Variants in NBPF12 observed in about 807,000 individuals in gnomAD.
The protein encoded by NBPF12 is NBPF member 12, also known as NBPF family member NBPF12.
In NBPF12, 115 loss-of-function variants were observed where a neutral mutation model predicts 146.4. The observed-to-expected ratio is 0.79, with a 90% CI of 0.68 to 0.92. The LOEUF is 0.92. Ranked by LOEUF, NBPF12 falls within the 40% of genes least tolerant of loss-of-function variation. The pLI is 0.00. For synonymous variants in NBPF12, 385 were observed against 508.9 expected (o/e 0.76, Z 3.28); for missense variants, 1,205 against 1,326.8 (o/e 0.91, Z 1.43).
intron 1 of NBPF12, among the ~76,000 whole-genome samples, chr1:146,942,163 T>C (rs2101806021): frequency 6.6e-6 from 1 of 151,680 alleles, no homozygotes; most frequent in South Asian, 2.1e-4. Context: ...AGCTAATTTT[T>C]TATTTTTTGT....
At chr1:146,968,287 AAGTC>A (rs1173928785) in intron 9 of NBPF12, among the ~76,000 whole-genome samples, 157 bp from the exon 13 acceptor site, 31,343 of 149,136 alleles carry the variant, frequency 0.21, 349 homozygotes, top group South Asian at 0.35. Flanking sequence ...AGATGCCAGA[AAGTC>A]AGGAGACTGA....
chr1:146,946,762 A>T (rs1655093949), upstream of NBPF12, among the ~76,000 whole-genome samples: 1 of 150,054 alleles, frequency 6.7e-6, no homozygotes, highest in Non-Finnish European at 1.5e-5. Flanking sequence ...CCATCATTGA[A>T]CCCAGGATCC....
In NBPF12 at chr1:146,963,126, C is replaced by T. The variant is rs1215793956; in HGVS notation, c.310C>T (p.Arg104Ter). Residue 104 changes from arginine to a stop codon, truncating the protein, a stop_gained, in exon 6 of 34, where the codon CGA becomes TGA. Transcript: ENST00000617844. LOFTEE classifies it high-confidence loss of function. The stretch of plus-strand genomic sequence containing the variant: ...TAAAGTCCTGGTTCACTCTCAGGAA[C>T]GAGAGCTGACCCAGTTAAGGGAGAA... 78 of 1,608,486 alleles carry T rather than the reference C, an allele frequency of 4.8e-5. No individual in the cohort carries two copies. Among genetic ancestry groups the T allele is most frequent in the East Asian group, 1.6e-4 (7 of 44,866 alleles).
intron 13 of NBPF12, among the ~76,000 whole-genome samples, 155 bp from the exon 17 acceptor site, chr1:146,972,596 A>C (rs1475216728): frequency 6.6e-6 from 1 of 151,558 alleles, no homozygotes; most frequent in Non-Finnish European, 1.5e-5. Context: ...GTTGACTTAA[A>C]GGAGATCAAG....
chr1:146,946,512 C>CTTTTTTTTTTTTTTTTTTTT (rs3071268), upstream of NBPF12, among the ~76,000 whole-genome samples: 1 of 41,044 alleles, frequency 2.4e-5, no homozygotes, highest in Admixed American at 3.6e-4. Context: ...GATCTTTCAC[C>CTTTTTTTTTTTTTTTTTTTT]TTTTTTTTTT....
Position 146,962,277 on chromosome 1 carries a change from A to T in NBPF12, c.278+14A>T. On this transcript the variant is annotated intron_variant, in intron 5 of 33. Coordinates refer to ENST00000617844, the Ensembl canonical transcript of NBPF12. ...TGAGGAGCTCAGGTGAGGGGACCCC[A>T]TGGGGGGAGGCAGGCGGGTAGGTGT... 1 of 1,598,372 alleles carries T rather than the reference A, an allele frequency of 6.3e-7. No homozygotes were observed. Among genetic ancestry groups the T allele is most frequent in the East Asian group, 2.2e-5 (1 of 44,846 alleles).
upstream of NBPF12, among the ~76,000 whole-genome samples, chr1:146,944,406 G>T (rs1276695559): frequency 6.9e-6 from 1 of 145,830 alleles, no homozygotes; most frequent in African/African-American, 2.5e-5. Context: ...GGGAGCCAGT[G>T]CAAGGAGGGA....
At chr1:146,974,534 G>A (rs1363471850) in intron 14 of NBPF12, among the ~76,000 whole-genome samples, 5 of 122,054 alleles carry the variant, frequency 4.1e-5, no homozygotes, top group Non-Finnish European at 4.9e-5. Flanking sequence ...TGCCCTTGAG[G>A]TTCTCTTTCT....
chr1:146,983,203 T>C, intron 20 of NBPF12, 112 bp downstream of exon 23: 14 of 1,441,762 alleles, frequency 9.7e-6, no homozygotes, highest in Non-Finnish European at 1.3e-5. Context: ...CACTGTGGGC[T>C]GAACCTATAT....
rs1437626893 is a variant in NBPF12, at chr1:146,963,862, G to A, written c.494-495G>A. On this transcript the variant is annotated intron_variant, in intron 6 of 33. Transcript: ENST00000617844. ...ATGTGGGGGCATTTGGTGGTAGGAA[G>A]TGCTTCACACTGGAGCACTCCCCAT... Among the ~76,000 whole-genome samples, 10 of 146,184 alleles carry A rather than the reference G, an allele frequency of 6.8e-5. No homozygotes were observed. The East Asian group carries it at 2.0e-3, about 29-fold the overall frequency.
rs1305929194 is a variant in NBPF12, at chr1:146,973,436, G to T, written c.1801+476G>T. 3.6e-5 allele frequency among the ~76,000 whole-genome samples: 5 copies of T among 139,024 alleles called. No homozygotes were observed. The Admixed American group carries it at 3.6e-4, about 10-fold the overall frequency. The allele number at this position is 139,024 out of a possible 152,430, so 91.2% of individuals were successfully genotyped here. ...TAGTAGCCAGTACCCGCTCTGAGGG[G>T]CTTCAAGAGGAGTCTGCTCCTAATA... On this transcript the variant is annotated intron_variant, in intron 14 of 33. Transcript: ENST00000617844.
intron 17 of NBPF12, among the ~76,000 whole-genome samples, chr1:146,977,253 G>A (rs1657103451): frequency 1.4e-5 from 2 of 144,256 alleles, no homozygotes. Flanking sequence ...CCAGTGCAAT[G>A]AACAGCAGCT....
exon 8 of NBPF12, chr1:146,964,945 T>G: frequency 6.2e-7 from 1 of 1,608,472 alleles, no homozygotes; most frequent in Non-Finnish European, 8.5e-7. Flanking sequence ...ACTGGAGGAA[T>G]GTGCCATCAC....
chr1:146,982,613 CA>C (rs2101904195), intron 19 of NBPF12, among the ~76,000 whole-genome samples: 1 of 151,774 alleles, frequency 6.6e-6, no homozygotes, highest in Non-Finnish European at 1.5e-5. Context: ...CCAATTTATG[CA>C]AAGTAGTTGA....
At position 146,994,682 on chromosome 1, in the gene NBPF12, G is replaced by T. The variant is rs1217812248; in HGVS notation, c.*107G>T. 1.0e-5 allele frequency: 16 copies of T among 1,538,088 alleles called. No individual in the cohort carries two copies. The East Asian group carries it at 2.7e-4, about 26-fold the overall frequency. The stretch of plus-strand genomic sequence containing the variant: ...CATTTGGAAGCCCAGACATAGGATG[G>T]GTCAGTGGGCATGGCTCTATTCCTA... On this transcript the variant is annotated 3_prime_UTR_variant, in exon 34 of 34. Transcript: ENST00000617844.
chr1:146,967,060 C>A (rs1656258192), intron 9 of NBPF12, among the ~76,000 whole-genome samples: 1 of 151,272 alleles, frequency 6.6e-6, no homozygotes. Flanking sequence ...TTATTCAGTC[C>A]AAGTTTCTGT....
chr1:146,943,117 G>A (rs1654879739), intron 1 of NBPF12, among the ~76,000 whole-genome samples, 174 bp from the exon 2 acceptor site: 1 of 149,964 alleles, frequency 6.7e-6, no homozygotes, highest in South Asian at 2.1e-4. Flanking sequence ...TGCACAGGCT[G>A]GTGAGGACTG....
intron 19 of NBPF12, among the ~76,000 whole-genome samples, chr1:146,982,588 C>T (rs1449247218): frequency 5.3e-5 from 8 of 151,898 alleles, no homozygotes; most frequent in Non-Finnish European, 4.4e-5. Context: ...TTGAATGCTG[C>T]GTGTAAAATT....
chr1:146,982,547 G>A (rs1657460509), intron 19 of NBPF12, among the ~76,000 whole-genome samples: 1 of 151,982 alleles, frequency 6.6e-6, no homozygotes. Context: ...CACAAGATCT[G>A]TGTCTGCATT....
Sources: gnomAD v4.1 joint callset for allele counts (sites outside exome capture counted in the v4.1 genomes callset) on GRCh38, gnomAD v4.1.1 for gene constraint, MANE v1.5 for transcripts, NCBI Gene and HGNC (gene_info 2026-07-23, HGNC 2026-07-21) for gene names.